The following FAM227A variants were observed in gnomAD, a reference collection of about 807,000 sequenced individuals.
FAM227A encodes the protein protein FAM227A.
Under a neutral mutation model 74.7 loss-of-function variants are expected in FAM227A, and 80 were observed. That is an observed-to-expected ratio of 1.07 (90% CI 0.89 to 1.29). The LOEUF (loss-of-function observed/expected upper bound fraction) is 1.29. FAM227A is among the 50% of genes most tolerant of loss of function. FAM227A has a pLI of 0.00. For synonymous variants in FAM227A, 237 were observed against 241.8 expected (o/e 0.98, Z 0.19); for missense variants, 654 against 683.4 (o/e 0.96, Z 0.48).
At chr22:38,598,335 A>G (rs1241682110) in intron 14 of FAM227A, among the ~76,000 whole-genome samples, 2 of 152,224 alleles carry the variant, frequency 1.3e-5, no homozygotes, top group African/African-American at 4.8e-5. Context: ...GAATGAGTAG[A>G]TAAAGATATT....
rs761503797 is a variant in FAM227A, at chr22:38,636,588, C to G, written c.382G>C (p.Asp128His). 5.8e-6 allele frequency: 9 copies of G among 1,550,788 alleles called. No homozygotes were observed. The highest frequency in any genetic ancestry group is 7.8e-6 in the Non-Finnish European group (9 of 1,146,738). ...TACAGCTCTGCCAGCAGATTTTTAT[C>G]TGCTGTTTTCTGAAGCAAAAGAGCA... ...RSSVIKRKTADKNLLAELYQY... is the reference protein window; with the variant it reads ...RSSVIKRKTAHKNLLAELYQY... Residue 128 changes from aspartate to histidine, a missense_variant, in exon 6 of 17, where the codon GAT (aspartate) becomes CAT (histidine). Asp to His is a moderately conservative substitution (Grantham distance 81). Coordinates refer to ENST00000535113, the MANE Select transcript of FAM227A (RefSeq NM_001013647.2).
chr22:38,628,902 G>T lies in FAM227A; in HGVS notation c.553C>A (p.Leu185Ile). 1 of 1,540,386 alleles carries T rather than the reference G, an allele frequency of 6.5e-7. No homozygotes were observed. Among genetic ancestry groups the T allele is most frequent in the East Asian group, 2.5e-5 (1 of 40,644 alleles). Reference protein sequence around the residue: ...FCSGRELEKFLSSSSPRAIWL... With the variant: ...FCSGRELEKFISSSSPRAIWL... ...ATGGCTCTTGGAGAAGAAGAAGAGA[G>T]AAACTTCTCTAATTCTCTACCTGAA... The change falls in exon 7 of 17, where the codon CTC becomes ATC. Residue 185 changes from leucine (L) to isoleucine (I), a missense_variant. Physicochemically the swap from Leu to Ile is conservative, Grantham distance 5. Transcript: ENST00000535113.
intron 15 of FAM227A, among the ~76,000 whole-genome samples, chr22:38,594,357 C>T (rs2090999740): frequency 6.6e-6 from 1 of 152,190 alleles, no homozygotes; most frequent in African/African-American, 2.4e-5. Context: ...TGTGGTTGCC[C>T]TCCAAGATTG....
At chr22:38,613,270 TATTA>T (rs1457048541) in intron 11 of FAM227A, among the ~76,000 whole-genome samples, 1 of 83,358 alleles carries the variant, frequency 1.2e-5, no homozygotes, top group Non-Finnish European at 2.1e-5. Context: ...TTATAACATA[TATTA>T]TATATCATAT....
intron 2 of FAM227A, among the ~76,000 whole-genome samples, chr22:38,647,502 G>A (rs1282136121): frequency 2.0e-5 from 3 of 152,108 alleles, no homozygotes; most frequent in Non-Finnish European, 2.9e-5. Context: ...ATGCTGTGAT[G>A]CATGTGTGAT....
rs1009469183 is a variant in FAM227A, at chr22:38,585,975, AACT to A, written c.*147_*149del. On this transcript the variant is annotated 3_prime_UTR_variant, in exon 17 of 17. Transcript: ENST00000535113. ...CCTGCTTTTCACTCAGCCTAGGAAA[AACT>A]ACAACGGAATCCTTCCCCTATGGAG... is the stretch of plus-strand genomic sequence containing the variant. The A allele has an allele frequency of 6.7e-7, 1 of 1,503,522 alleles. No homozygotes were observed. Among genetic ancestry groups the A allele is most frequent in the Non-Finnish European group, 8.9e-7 (1 of 1,124,506 alleles). The allele number at this position is 1,503,522 out of a possible 1,614,324, so 93.1% of individuals were successfully genotyped here.
chr22:38,625,866 C>G (rs1167352610), intron 9 of FAM227A, among the ~76,000 whole-genome samples: 1 of 149,674 alleles, frequency 6.7e-6, no homozygotes, highest in Non-Finnish European at 1.5e-5. Flanking sequence ...TCACTTGAAC[C>G]TGGGAGGCGG....
chr22:38,585,956 T>C lies in FAM227A; in HGVS notation c.*169A>G. The C allele has an allele frequency of 6.8e-7, 1 of 1,466,132 alleles. No individual in the cohort carries two copies. The highest frequency in any genetic ancestry group is 9.1e-7 in the Non-Finnish European group (1 of 1,103,218). 90.8% of individuals were successfully genotyped at this position (1,466,132 alleles called of 1,614,324 possible). A position where few individuals can be genotyped will look rare whatever the true frequency, so the allele number is the denominator to read the frequency against. On this transcript the variant is annotated 3_prime_UTR_variant, in exon 17 of 17. Transcript: ENST00000535113. The stretch of plus-strand genomic sequence containing the variant: ...CAAGCACCAACTCTCTACTCCTGCT[T>C]TTCACTCAGCCTAGGAAAAACTACA...
rs554169878 is a variant in FAM227A, at chr22:38,613,105, TTA to T, written c.1039-5631_1039-5630del. Reference sequence around the variant, plus strand: ...AATTATATATATATATTATATATAATTATATATATATTATATATAATTATATA... The same window carrying T: ...AATTATATATATATATTATATATAATTATATATATTATATATAATTATATA... On this transcript the variant is annotated intron_variant, in intron 11 of 16. Coordinates refer to ENST00000535113, the MANE Select transcript of FAM227A (RefSeq NM_001013647.2). Among the ~76,000 whole-genome samples the T allele has an allele frequency of 2.9e-3, 277 of 94,018 alleles. 1 individual carries two copies. The highest frequency in any genetic ancestry group is 6.4e-3 in the South Asian group (25 of 3,934). The allele number at this position is 94,018 out of a possible 152,430, so 61.7% of individuals were successfully genotyped here.
In FAM227A at chr22:38,656,186, GCA is replaced by G. The variant is rs1412520748; in HGVS notation, c.-163_-162del. The G allele has an allele frequency of 6.6e-6, 1 of 152,298 alleles. No homozygotes were observed. The highest frequency in any genetic ancestry group is 1.5e-5 in the Non-Finnish European group (1 of 68,130). 9.4% of individuals were successfully genotyped at this position (152,298 alleles called of 1,614,324 possible). On this transcript the variant is annotated 5_prime_UTR_variant, in exon 1 of 17. An upstream open reading frame in the 5' UTR gains an earlier in-frame stop. Coordinates refer to ENST00000535113, the MANE Select transcript of FAM227A (RefSeq NM_001013647.2). The stretch of plus-strand genomic sequence containing the variant: ...CGCCACGGGTCCCTCAGGGGACCCC[GCA>G]AAGTTCTGGGTCGGCCCCCGACAGC...
chr22:38,634,655 G>A (rs140973918), intron 6 of FAM227A, among the ~76,000 whole-genome samples: 67 of 152,166 alleles, frequency 4.4e-4, no homozygotes, highest in Non-Finnish European at 8.2e-4. Context: ...ACTGTGGTGA[G>A]CATCTTTGTA....
intron 8 of FAM227A, 78 bp from the exon 9 acceptor site, chr22:38,626,381 T>C (rs889363224): frequency 1.4e-5 from 21 of 1,466,804 alleles, no homozygotes; most frequent in Middle Eastern, 4.2e-4. Context: ...AGGAAGGACT[T>C]TCTTTTTTTA....
intron 3 of FAM227A, among the ~76,000 whole-genome samples, chr22:38,639,969 T>A (rs1346570428): frequency 1.3e-5 from 2 of 152,122 alleles, no homozygotes; most frequent in African/African-American, 4.8e-5. Flanking sequence ...AGAGCAGGAA[T>A]TAGAAATTAA....
At chr22:38,655,964 T>G (rs1313268103) in intron 1 of FAM227A, among the ~76,000 whole-genome samples, 156 bp downstream of exon 1, 1 of 152,032 alleles carries the variant, frequency 6.6e-6, no homozygotes, top group East Asian at 1.9e-4. Flanking sequence ...AGATCTGGAG[T>G]TGATTCTCCA....
At chr22:38,602,099 A>T (rs977618249) in intron 13 of FAM227A, among the ~76,000 whole-genome samples, 72 of 152,344 alleles carry the variant, frequency 4.7e-4, no homozygotes, top group African/African-American at 1.7e-3. Context: ...CTGCAGCAGT[A>T]CCCAATCACA....
Position 38,626,203 on chromosome 22 carries a change from T to A in FAM227A, c.827A>T (p.Asn276Ile), listed in dbSNP as rs1211506702. Residue 276 changes from asparagine to isoleucine, a missense_variant, in exon 9 of 17, where the codon AAC becomes ATC. Transcript: ENST00000535113. The stretch of plus-strand genomic sequence containing the variant: ...ACCTGAAATCCACAGGCTCATTGTG[T>A]TACAGATGTCAGACTTGAATTCGTG... Reference protein sequence around the residue: ...DTHEFKSDICNTMSLWISGTY... With the variant: ...DTHEFKSDICITMSLWISGTY... 2 of 1,551,602 alleles carry A rather than the reference T, an allele frequency of 1.3e-6. No individual in the cohort carries two copies. The highest frequency in any genetic ancestry group is 2.0e-5 in the Admixed American group (1 of 50,996).
chr22:38,613,102 TAATTA>T (rs1569206654), intron 11 of FAM227A, among the ~76,000 whole-genome samples: 1 of 95,210 alleles, frequency 1.1e-5, no homozygotes, highest in Non-Finnish European at 1.9e-5. Context: ...ATATTATATA[TAATTA>T]TATATATATT....
intron 12 of FAM227A, among the ~76,000 whole-genome samples, chr22:38,607,176 C>CAAA (rs528873313): frequency 2.9e-4 from 16 of 55,590 alleles, no homozygotes; most frequent in Admixed American, 5.8e-4. Context: ...GACTTCATCT[C>CAAA]AAAAAAAAAA....
At chr22:38,638,188 A>T (rs1339473174) in intron 5 of FAM227A, among the ~76,000 whole-genome samples, 1 of 152,058 alleles carries the variant, frequency 6.6e-6, no homozygotes, top group Non-Finnish European at 1.5e-5. Flanking sequence ...GAAATAAAGA[A>T]CAAGCCAAGG....
Sources: allele counts gnomAD v4.1 joint callset (sites outside exome capture counted in the v4.1 genomes callset), GRCh38; gene constraint gnomAD v4.1.1; transcripts MANE v1.5; gene names NCBI Gene and HGNC (gene_info 2026-07-23, HGNC 2026-07-21).